The following RPS6KA2 variants were observed in gnomAD, a reference collection of about 807,000 sequenced individuals.
RPS6KA2 encodes ribosomal protein S6 kinase alpha-2.
RPS6KA2 carries 42 observed loss-of-function variants against 91.8 expected under a neutral mutation model. The observed-to-expected ratio is 0.46, with a 90% confidence interval of 0.36 to 0.59. The LOEUF (loss-of-function observed/expected upper bound fraction) is 0.59. Ranked by LOEUF, RPS6KA2 falls within the 20% of genes least tolerant of loss-of-function variation. The probability of loss-of-function intolerance (pLI) is 0.00; values close to 1 mark genes in which losing one functional copy is unlikely to be tolerated. For missense variants in RPS6KA2, 798 were observed against 978.5 expected (o/e 0.82, Z 2.46); for synonymous variants, 414 against 393.6 (o/e 1.05, Z -0.61).
intron 2 of RPS6KA2, among the ~76,000 whole-genome samples, chr6:166,718,154 G>A (rs1190853043): frequency 1.3e-5 from 2 of 152,028 alleles, no homozygotes; most frequent in Non-Finnish European, 2.9e-5. Context: ...GGCCCTATTT[G>A]TCATTTTTCT....
At chr6:166,854,087 C>T (rs1325694682) in intron 2 of RPS6KA2, among the ~76,000 whole-genome samples, 5 of 152,202 alleles carry the variant, frequency 3.3e-5, no homozygotes, top group Non-Finnish European at 5.9e-5. Context: ...GCCTCTGATG[C>T]GTCAGATGAA....
intron 1 of RPS6KA2, among the ~76,000 whole-genome samples, chr6:166,559,147 T>C (rs535065453): frequency 6.6e-6 from 1 of 152,320 alleles, no homozygotes; most frequent in African/African-American, 2.4e-5. Flanking sequence ...GGAACTACTG[T>C]ATCATTCTGT....
chr6:166,497,545 C>T (rs4710060), intron 8 of RPS6KA2, among the ~76,000 whole-genome samples: 81,264 of 152,210 alleles, frequency 0.53, 24,185 homozygotes, highest in African/African-American at 0.81. Flanking sequence ...ACAGCCAGGG[C>T]CTGTGAGCTC....
At chr6:166,766,217 C>T (rs1778307935) in intron 2 of RPS6KA2, among the ~76,000 whole-genome samples, 2 of 152,154 alleles carry the variant, frequency 1.3e-5, no homozygotes, top group South Asian at 4.1e-4. Context: ...CAACACTTAT[C>T]CATGTTACTA....
rs779459363 is a variant in RPS6KA2 at position 166,412,793 on chromosome 6, C to T, written c.2171G>A (p.Gly724Asp). The T allele has an allele frequency of 6.9e-6, 11 of 1,596,286 alleles. No individual in the cohort carries two copies. In the African/African-American group the frequency reaches 1.2e-4, roughly 17 times the overall value. The stretch of plus-strand genomic sequence containing the variant: ...CCGCGTGGACGTGAGTCTCTTCATG[C>T]CTCTGCGCTGAGCCAGGTTGGATGA... ...VLSSNLAQRRGMKRLTSTRL is the reference protein window; with the variant it reads ...VLSSNLAQRRDMKRLTSTRL Residue 724 changes from glycine (G) to aspartate (D), a missense_variant, in exon 21 of 21, where the codon GGC (glycine) becomes GAC (aspartate). Coordinates refer to ENST00000265678, the MANE Select transcript of RPS6KA2 (RefSeq NM_021135.6). The surrounding 1 kb of genome is among the most constrained non-coding windows in gnomAD (Gnocchi z 4.3).
intron 10 of RPS6KA2, among the ~76,000 whole-genome samples, chr6:166,486,430 G>A (rs1419137085): frequency 6.6e-6 from 1 of 152,152 alleles, no homozygotes; most frequent in Non-Finnish European, 1.5e-5. Flanking sequence ...CAGTGACTTG[G>A]GGCTGCTCTG....
rs535555204 is a variant in RPS6KA2, at chr6:166,420,597, C to T, written c.1744-639G>A. Among the ~76,000 whole-genome samples, 5 of 152,240 alleles carry T rather than the reference C, an allele frequency of 3.3e-5. No individual in the cohort carries two copies. In the East Asian group the frequency reaches 5.8e-4, roughly 18 times the overall value. ...TCCTTCTGCAGGCTGGACAATGTTC[C>T]GCTGTGTGTGCATGCCACGTTTTGC... On this transcript the variant is annotated intron_variant, in intron 17 of 20. Transcript: ENST00000265678.
chr6:166,528,757 A>G (rs891930156), intron 3 of RPS6KA2, among the ~76,000 whole-genome samples: 5 of 151,942 alleles, frequency 3.3e-5, no homozygotes, highest in Non-Finnish European at 7.4e-5. Context: ...AAAAGTGGGC[A>G]AAGGATATGA....
chr6:166,752,707 G>A (rs184236543), intron 2 of RPS6KA2, among the ~76,000 whole-genome samples: 6 of 152,234 alleles, frequency 3.9e-5, no homozygotes, highest in East Asian at 3.9e-4. Context: ...GGAAAAGCAC[G>A]GATCACAACC....
chr6:166,419,875 T>TGCTTACCATG lies in RPS6KA2; in HGVS notation c.1820+6_1820+7insCATGGTAAGC. The TGCTTACCATG allele has an allele frequency of 1.2e-6, 2 of 1,613,216 alleles. No individual in the cohort carries two copies. Among genetic ancestry groups the TGCTTACCATG allele is most frequent in the African/African-American group, 1.3e-5 (1 of 75,046 alleles). ...CCTCCTGACACCTGTTTGAGGTGAC[T>TGCTTACCATG]GCTTACCCTGCCAGCATGGTGTACA... On this transcript the variant is annotated splice_region_variant and intron_variant, in intron 18 of 20. Coordinates refer to ENST00000265678, the MANE Select transcript of RPS6KA2 (RefSeq NM_021135.6). This position sits in a 1 kb window ranked among gnomAD's most constrained non-coding sequence, Gnocchi z 5.6.
At chr6:166,602,846 C>T (rs1362756049) in intron 1 of RPS6KA2, among the ~76,000 whole-genome samples, 1 of 152,154 alleles carries the variant, frequency 6.6e-6, no homozygotes, top group Non-Finnish European at 1.5e-5. Context: ...TGTTTCTTAA[C>T]AGTATTTTGA....
chr6:166,684,087 A>G (rs549958106), intron 2 of RPS6KA2, among the ~76,000 whole-genome samples: 37 of 152,298 alleles, frequency 2.4e-4, no homozygotes, highest in African/African-American at 8.4e-4. Flanking sequence ...GGGGACAGAG[A>G]TCAGAAAACA....
chr6:166,648,144 G>A lies in RPS6KA2; in HGVS notation c.124-109360C>T, dbSNP rs1031286869. ...CGCTCATACACATACATGCACACAC[G>A]CACATGGTTACACACCCATGCACAC... On this transcript the variant is annotated intron_variant, in intron 2 of 21. Coordinates refer to the RPS6KA2 transcript ENST00000503859. This position sits in a 1 kb window ranked among gnomAD's most constrained non-coding sequence, Gnocchi z 4.8. Among the ~76,000 whole-genome samples, 15 of 109,556 alleles carry A rather than the reference G, an allele frequency of 1.4e-4. No homozygotes were observed. The highest frequency in any genetic ancestry group is 3.8e-4 in the Admixed American group (4 of 10,442). The allele number at this position is 109,556 out of a possible 152,430, so 71.9% of individuals were successfully genotyped here. A position where few individuals can be genotyped will look rare whatever the true frequency, so the allele number is the denominator to read the frequency against.
chr6:166,856,871 G>A (rs1431350851), intron 2 of RPS6KA2, among the ~76,000 whole-genome samples: 5 of 152,184 alleles, frequency 3.3e-5, no homozygotes, highest in Non-Finnish European at 7.3e-5. Flanking sequence ...TCATGGAACT[G>A]GCAAAAGCAG....
At chr6:166,768,696 A>G (rs1778387336) in intron 2 of RPS6KA2, among the ~76,000 whole-genome samples, 1 of 152,224 alleles carries the variant, frequency 6.6e-6, no homozygotes, top group Admixed American at 6.5e-5. Context: ...TCACTTGGCA[A>G]TCACTGCTGC....
chr6:166,781,342 T>C (rs1583110336), intron 2 of RPS6KA2, among the ~76,000 whole-genome samples: 1 of 152,382 alleles, frequency 6.6e-6, no homozygotes, highest in African/African-American at 2.4e-5. Flanking sequence ...GGCTTCTCCC[T>C]GTCACTTGGA....
intron 16 of RPS6KA2, among the ~76,000 whole-genome samples, chr6:166,429,462 T>A (rs1488846643): frequency 6.6e-6 from 1 of 152,154 alleles, no homozygotes; most frequent in Non-Finnish European, 1.5e-5. Context: ...AAAAAATTTT[T>A]AAATTTGAGA....
At chr6:166,752,830 C>T (rs1200845970) in intron 2 of RPS6KA2, among the ~76,000 whole-genome samples, 1 of 152,196 alleles carries the variant, frequency 6.6e-6, no homozygotes, top group Non-Finnish European at 1.5e-5. Flanking sequence ...AAATCTGCAT[C>T]AAGTAGATGG....
intron 1 of RPS6KA2, among the ~76,000 whole-genome samples, chr6:166,553,786 G>A (rs963255890): frequency 1.1e-4 from 17 of 152,122 alleles, no homozygotes; most frequent in African/African-American, 3.6e-4. Context: ...AAGCTGATAC[G>A]TTAAAAAAAG....
Sources: gnomAD v4.1 joint callset for allele counts (sites outside exome capture counted in the v4.1 genomes callset) on GRCh38, gnomAD v4.1.1 for gene constraint, Gnocchi (gnomAD v3.1) non-coding constraint, MANE v1.5 for transcripts, NCBI Gene and HGNC (gene_info 2026-07-23, HGNC 2026-07-21) for gene names.